DRC7: variants seen among roughly 807,000 people sequenced by gnomAD.
DRC7 encodes dynein regulatory complex subunit 7.
Under a neutral mutation model 104.4 loss-of-function variants are expected in DRC7, and 80 were observed. The ratio of observed to expected loss-of-function variants is 0.77; its 90% CI spans 0.64 to 0.92. DRC7 has a LOEUF of 0.92. Among genes scored for constraint, DRC7 ranks in the 40% least tolerant of loss-of-function variants. The pLI, the probability that DRC7 is intolerant of heterozygous loss-of-function variation, is 0.00. For missense variants in DRC7, 1,034 were observed against 1,141.1 expected (o/e 0.91, Z 1.35); for synonymous variants, 405 against 447.3 (o/e 0.91, Z 1.19).
At position 57,724,619 on chromosome 16, in the gene DRC7, C is replaced by T. The variant is rs1011455133; in HGVS notation, c.1542C>T (p.His514=). 6.2e-7 allele frequency: 1 copy of T among 1,607,852 alleles called. No individual in the cohort carries two copies. The highest frequency in any genetic ancestry group is 2.2e-5 in the East Asian group (1 of 44,766). Residue 514 remains histidine, a synonymous_variant, in exon 13 of 19, where the codon CAC becomes CAT. Transcript: ENST00000360716. ...KPGHPQALRV[H]SYKSMQPEMD... is the part of the protein sequence containing the mutation. ...CAACTCCCGCTCCCCACCCAGTGCA[C>T]TCGTACAAGTCCATGCAACCTGAGA...
rs563865067 is a variant in DRC7 at position 57,698,067 on chromosome 16, G to A, written c.118G>A (p.Glu40Lys). 1 of 1,614,156 alleles carries A rather than the reference G, an allele frequency of 6.2e-7. No homozygotes were observed. Among genetic ancestry groups the A allele is most frequent in the South Asian group, 1.1e-5 (1 of 91,084 alleles). The change falls in exon 3 of 19, where the codon GAG becomes AAG. Residue 40 changes from glutamate to lysine, a missense_variant. Physicochemically the swap from Glu to Lys is moderately conservative, Grantham distance 56. Coordinates refer to ENST00000360716, the MANE Select transcript of DRC7 (RefSeq NM_001289162.2). ...KMMRPVEVRK[E>K]EITLKQETLR... Reference sequence around the variant, plus strand: ...GATGAGGCCAGTTGAGGTGCGGAAGGAGGAAATCACCTTAAAGCAGGAGAC... The same window carrying A: ...GATGAGGCCAGTTGAGGTGCGGAAGAAGGAAATCACCTTAAAGCAGGAGAC...
chr16:57,700,604 A>G lies in DRC7; in HGVS notation c.504+334A>G, dbSNP rs148518440. 2.1e-3 allele frequency among the ~76,000 whole-genome samples: 306 copies of G among 146,212 alleles called. 6 individuals carry two copies. The South Asian group carries it at 0.036, about 17-fold the overall frequency. ...GGAAGTTGCAGTGAGCCAAGATGGC[A>G]CCACTGCACTCTAGCCTGAGTGATA... On this transcript the variant is annotated intron_variant, in intron 5 of 18. Transcript: ENST00000360716.
intron 3 of DRC7, 23 bp downstream of exon 3, chr16:57,698,175 C>T (rs1488798893): frequency 6.8e-6 from 11 of 1,613,528 alleles, no homozygotes; most frequent in Non-Finnish European, 9.3e-6. Context: ...GGGTGGGGGC[C>T]CTGGCAAGGG....
intron 17 of DRC7, among the ~76,000 whole-genome samples, chr16:57,730,100 A>G (rs1368138516): frequency 6.8e-4 from 30 of 43,930 alleles, no homozygotes; most frequent in South Asian, 1.7e-3. Context: ...TGGGTGGATG[A>G]GTGAGTGAGC....
At chr16:57,698,523 A>G (rs1016971739) in intron 3 of DRC7, among the ~76,000 whole-genome samples, 1 of 151,686 alleles carries the variant, frequency 6.6e-6, no homozygotes, top group Non-Finnish European at 1.5e-5. Flanking sequence ...CCCCCCACCC[A>G]TGTCTACAAA....
At chr16:57,705,719 C>G (rs1208917014) in intron 7 of DRC7, among the ~76,000 whole-genome samples, 1 of 146,378 alleles carries the variant, frequency 6.8e-6, no homozygotes, top group African/African-American at 2.5e-5. Context: ...ATCATCCTCC[C>G]ATCCATCCAT....
chr16:57,703,028 C>T (rs1283768029), intron 6 of DRC7, among the ~76,000 whole-genome samples: 2 of 151,826 alleles, frequency 1.3e-5, no homozygotes, highest in African/African-American at 2.4e-5. Flanking sequence ...AGACTACAGG[C>T]GAGTACCACC....
intron 8 of DRC7, among the ~76,000 whole-genome samples, chr16:57,713,523 C>A (rs2048809950): frequency 6.6e-6 from 1 of 152,162 alleles, no homozygotes; most frequent in Non-Finnish European, 1.5e-5. Context: ...ATTCTGATGT[C>A]TATTTTGTCT....
intron 8 of DRC7, among the ~76,000 whole-genome samples, chr16:57,717,233 G>GT (rs869088347): frequency 0.068 from 8,620 of 126,860 alleles, 453 homozygotes; most frequent in African/African-American, 0.13. Flanking sequence ...CCCACCTGCT[G>GT]TTTTTTTTTT....
intron 16 of DRC7, among the ~76,000 whole-genome samples, chr16:57,727,638 A>C (rs1488464775): frequency 6.6e-6 from 1 of 152,206 alleles, no homozygotes; most frequent in Non-Finnish European, 1.5e-5. Flanking sequence ...AGCCAAGCCA[A>C]GGCCTGTGGT....
At chr16:57,703,385 A>G (rs180896643) in intron 6 of DRC7, among the ~76,000 whole-genome samples, 1 of 152,326 alleles carries the variant, frequency 6.6e-6, no homozygotes, top group African/African-American at 2.4e-5. Context: ...TGCTACAGAC[A>G]GAAAATGCTC....
intron 8 of DRC7, 53 bp from the exon 9 acceptor site, chr16:57,718,294 G>T: frequency 1.9e-6 from 3 of 1,596,862 alleles, no homozygotes; most frequent in Non-Finnish European, 2.6e-6. Context: ...TGGATCAGGT[G>T]GGGACGTGGT....
At chr16:57,722,539 C>A (rs2048914546) in intron 10 of DRC7, among the ~76,000 whole-genome samples, 174 bp from the exon 11 acceptor site, 1 of 152,142 alleles carries the variant, frequency 6.6e-6, no homozygotes, top group African/African-American at 2.4e-5. Flanking sequence ...GAGAACCCCT[C>A]TAGGGCTGGA....
intron 5 of DRC7, chr16:57,701,443 C>A (rs1196007343): frequency 6.5e-6 from 1 of 153,738 alleles, no homozygotes; most frequent in Non-Finnish European, 1.4e-5. Flanking sequence ...TGGCTTCAAG[C>A]GGTACAGGAA....
At chr16:57,704,601 C>T (rs1401994185) in intron 6 of DRC7, among the ~76,000 whole-genome samples, 2 of 152,174 alleles carry the variant, frequency 1.3e-5, no homozygotes, top group East Asian at 1.9e-4. Context: ...ACAGGTACCT[C>T]CCTCGGGCAT....
chr16:57,722,974 C>T, intron 11 of DRC7, 28 bp from the exon 12 acceptor site: 1 of 1,613,520 alleles, frequency 6.2e-7, no homozygotes, highest in Non-Finnish European at 8.5e-7. Context: ...GCTGGCCTGG[C>T]TGCGGCAAGT....
chr16:57,715,632 A>T (rs2048834523), intron 8 of DRC7, among the ~76,000 whole-genome samples: 1 of 152,182 alleles, frequency 6.6e-6, no homozygotes, highest in African/African-American at 2.4e-5. Context: ...CTGTTCAATA[A>T]ATGTTAACTA....
At chr16:57,715,714 G>A (rs2048835498) in intron 8 of DRC7, among the ~76,000 whole-genome samples, 1 of 152,238 alleles carries the variant, frequency 6.6e-6, no homozygotes, top group African/African-American at 2.4e-5. Flanking sequence ...ACGCCACACA[G>A]AGGGGGCAGA....
chr16:57,704,639 G>A (rs1201927109), intron 6 of DRC7, among the ~76,000 whole-genome samples: 4 of 152,192 alleles, frequency 2.6e-5, no homozygotes, highest in African/African-American at 9.7e-5. Flanking sequence ...CTCAGAAAGA[G>A]GCTGGGGAGA....
Sources: gnomAD v4.1 joint callset for allele counts (sites outside exome capture counted in the v4.1 genomes callset) on GRCh38, gnomAD v4.1.1 for gene constraint, MANE v1.5 for transcripts, NCBI Gene and HGNC (gene_info 2026-07-23, HGNC 2026-07-21) for gene names.